Variants in ADAM17 observed in about 807,000 individuals in gnomAD.
ADAM17 encodes ADAM metallopeptidase domain 17.
Under a neutral mutation model 96.7 loss-of-function variants are expected in ADAM17, and 39 were observed. The observed-to-expected ratio is 0.40, with a 90% CI of 0.31 to 0.53. The LOEUF (loss-of-function observed/expected upper bound fraction) is 0.53, where lower values mean the gene tolerates loss of function less well. Among genes scored for constraint, ADAM17 ranks in the 20% least tolerant of loss-of-function variants. The pLI, the probability that ADAM17 is intolerant of heterozygous loss-of-function variation, is 0.44. For missense variants in ADAM17, 777 were observed against 1,013.2 expected (o/e 0.77, Z 3.17); for synonymous variants, 344 against 359.2 (o/e 0.96, Z 0.48).
At chr2:9,516,522 G>A (rs1407074047) in intron 10 of ADAM17, among the ~76,000 whole-genome samples, 2 of 152,178 alleles carry the variant, frequency 1.3e-5, no homozygotes, top group Admixed American at 6.5e-5. Context: ...GCCAAGGTGA[G>A]TGGATCACTT....
At chr2:9,532,980 G>A (rs921049224) in intron 4 of ADAM17, among the ~76,000 whole-genome samples, 2 of 152,120 alleles carry the variant, frequency 1.3e-5, no homozygotes, top group African/African-American at 4.8e-5. Flanking sequence ...CACGAGGTCA[G>A]GAGTTCAAGA....
Position 9,531,854 on chromosome 2 carries a change from T to C in ADAM17, c.451-3900A>G, listed in dbSNP as rs186467932. Among the ~76,000 whole-genome samples the C allele has an allele frequency of 1.2e-3, 177 of 152,258 alleles. 2 individuals are homozygous for C. The highest frequency in any genetic ancestry group is 4.0e-3 in the African/African-American group (168 of 41,540). ...GGCTCACACCTGTAATCCCAGCACT[T>C]TGGGAGGCCAAGCAAGAGGATTGCT... On this transcript the variant is annotated intron_variant, in intron 4 of 18. Coordinates refer to ENST00000310823, the MANE Select transcript of ADAM17 (RefSeq NM_003183.6).
chr2:9,526,626 T>C lies in ADAM17; in HGVS notation c.620-382A>G, dbSNP rs562774310. On this transcript the variant is annotated intron_variant, in intron 5 of 18. Transcript: ENST00000310823. ...GCCTGGCCAACATGATGAAACCCCA[T>C]CTCTATTAAAAATACAAAAATTAGC... 3.3e-5 allele frequency among the ~76,000 whole-genome samples: 5 copies of C among 152,082 alleles called. No homozygotes were observed. In the East Asian group the frequency reaches 5.8e-4, roughly 18 times the overall value.
chr2:9,521,230 A>T lies in ADAM17; in HGVS notation c.930T>A (p.Asp310Glu). Residue 310 changes from aspartate (D) to glutamate (E), a missense_variant, in exon 8 of 19, where the codon GAT becomes GAA. Around this residue, in one of 3 missense-constraint regions of ADAM17, gnomAD observed 446 missense variants for 664.7 expected, o/e 0.67. Coordinates refer to ENST00000310823, the MANE Select transcript of ADAM17 (RefSeq NM_003183.6). ...MAKSYPNEEK[D>E]AWDVKMLLEQ... The stretch of plus-strand genomic sequence containing the variant: ...CTAGCAACATCTTCACATCCCAAGC[A>T]TCCTTTTCTTCATTTGGGTAACTTT... The T allele has an allele frequency of 6.2e-7, 1 of 1,610,058 alleles. No homozygotes were observed. The highest frequency in any genetic ancestry group is 8.5e-7 in the Non-Finnish European group (1 of 1,176,480).
intron 12 of ADAM17, among the ~76,000 whole-genome samples, chr2:9,503,416 G>A (rs757375577): frequency 6.6e-6 from 1 of 152,158 alleles, no homozygotes; most frequent in Non-Finnish European, 1.5e-5. Context: ...CCAGTATATA[G>A]AATCATGATA....
At chr2:9,498,763 T>C (rs1156704563) in intron 13 of ADAM17, among the ~76,000 whole-genome samples, 1 of 152,248 alleles carries the variant, frequency 6.6e-6, no homozygotes, top group Admixed American at 6.5e-5. Flanking sequence ...AAGGTTTATA[T>C]TGTGGATCAT....
chr2:9,538,026 G>GGAGGGGAGGGGAGGT, intron 2 of ADAM17, among the ~76,000 whole-genome samples: 1 of 137,300 alleles, frequency 7.3e-6, no homozygotes, highest in Non-Finnish European at 1.6e-5. Context: ...AGAGGGGAGG[G>GGAGGGGAGGGGAGGT]GGTATACACT....
At chr2:9,550,332 C>CA (rs1452058241) in intron 1 of ADAM17, among the ~76,000 whole-genome samples, 1 of 151,996 alleles carries the variant, frequency 6.6e-6, no homozygotes, top group African/African-American at 2.4e-5. Flanking sequence ...GACTCTCCAG[C>CA]AAGACCAGTA....
intron 13 of ADAM17, among the ~76,000 whole-genome samples, chr2:9,501,086 A>G (rs1662972675): frequency 6.6e-6 from 1 of 152,206 alleles, no homozygotes; most frequent in African/African-American, 2.4e-5. Flanking sequence ...GGATGATTAC[A>G]TAAGAACTCC....
intron 10 of ADAM17, among the ~76,000 whole-genome samples, chr2:9,515,205 T>C (rs1251129256): frequency 6.6e-6 from 1 of 152,228 alleles, no homozygotes; most frequent in African/African-American, 2.4e-5. Context: ...GATCATTTTA[T>C]AGTCTGCATG....
chr2:9,548,741 G>C (rs1315953697), intron 1 of ADAM17, among the ~76,000 whole-genome samples: 1 of 152,206 alleles, frequency 6.6e-6, no homozygotes, highest in Non-Finnish European at 1.5e-5. Context: ...TCAGCAGGGA[G>C]AGTAAATCTA....
At chr2:9,537,540 T>C (rs1031980945) in intron 2 of ADAM17, among the ~76,000 whole-genome samples, 1 of 152,138 alleles carries the variant, frequency 6.6e-6, no homozygotes, top group African/African-American at 2.4e-5. Flanking sequence ...GAGACCATCC[T>C]GGCTAACACA....
At chr2:9,533,188 TA>T (rs879812315) in intron 4 of ADAM17, among the ~76,000 whole-genome samples, 152 of 138,342 alleles carry the variant, frequency 1.1e-3, no homozygotes, top group Middle Eastern at 4.3e-3. Context: ...GATGCCATCT[TA>T]AAAAAAAAAA....
At chr2:9,512,606 CCTCATT>C (rs1169009891) in intron 10 of ADAM17, among the ~76,000 whole-genome samples, 15 of 152,244 alleles carry the variant, frequency 9.9e-5, no homozygotes, top group Non-Finnish European at 1.5e-4. Flanking sequence ...GTCCAGAGAT[CCTCATT>C]CTCATTCTCA....
At chr2:9,532,259 G>A (rs1428528427) in intron 4 of ADAM17, among the ~76,000 whole-genome samples, 1 of 152,096 alleles carries the variant, frequency 6.6e-6, no homozygotes, top group African/African-American at 2.4e-5. Flanking sequence ...CTGGTAATGT[G>A]CTAACATTGT....
intron 10 of ADAM17, chr2:9,512,506 G>A (rs1185172188): frequency 1.3e-5 from 2 of 152,186 alleles, no homozygotes; most frequent in Non-Finnish European, 2.9e-5. Flanking sequence ...TAGGGCTCAG[G>A]AGCAATCCTC....
At chr2:9,529,503 T>C (rs1008507378) in intron 4 of ADAM17, among the ~76,000 whole-genome samples, 3 of 151,882 alleles carry the variant, frequency 2.0e-5, no homozygotes, top group Non-Finnish European at 4.4e-5. Flanking sequence ...TGTAATTCCA[T>C]TTATATGAGA....
intron 7 of ADAM17, chr2:9,522,584 T>C: frequency 2.3e-6 from 1 of 428,314 alleles, no homozygotes; most frequent in Admixed American, 3.9e-5. Flanking sequence ...TTCTATACTA[T>C]ATAACTTATA....
chr2:9,506,069 G>A (rs1021555668), intron 11 of ADAM17, among the ~76,000 whole-genome samples: 1 of 151,982 alleles, frequency 6.6e-6, no homozygotes, highest in Admixed American at 6.6e-5. Context: ...CTAAAACTGC[G>A]GTCATTTTCC....
Sources: gnomAD v4.1 joint callset for allele counts (sites outside exome capture counted in the v4.1 genomes callset) on GRCh38, gnomAD v4.1.1 for gene constraint, gnomAD v4.1.1 regional missense constraint, MANE v1.5 for transcripts, NCBI Gene and HGNC (gene_info 2026-07-23, HGNC 2026-07-21) for gene names.